The following WDHD1 variants were observed in gnomAD, a reference collection of about 807,000 sequenced individuals.
The protein encoded by WDHD1 is WD repeat and HMG-box DNA binding protein 1, also known as WD repeat and HMG-box DNA-binding protein 1.
A neutral mutation model predicts 135.4 loss-of-function variants in WDHD1; 111 were observed. The ratio of observed to expected loss-of-function variants is 0.82; its 90% CI spans 0.70 to 0.96. The LOEUF (loss-of-function observed/expected upper bound fraction) is 0.96. WDHD1 is among the 40% of genes least tolerant of loss of function. The probability of loss-of-function intolerance (pLI) is 0.00; values close to 1 mark genes in which losing one functional copy is unlikely to be tolerated. For missense variants in WDHD1, 1,351 were observed against 1,336.3 expected (o/e 1.01, Z -0.17); for synonymous variants, 434 against 439.0 (o/e 0.99, Z 0.14).
chr14:55,018,581 A>G (rs1470719213), intron 2 of WDHD1, among the ~76,000 whole-genome samples: 2 of 152,206 alleles, frequency 1.3e-5, no homozygotes, highest in Non-Finnish European at 2.9e-5. Context: ...TGAAGACCCT[A>G]TTATTGAAGA....
At chr14:54,964,378 C>T (rs2041306894) in intron 18 of WDHD1, among the ~76,000 whole-genome samples, 1 of 152,148 alleles carries the variant, frequency 6.6e-6, no homozygotes, top group African/African-American at 2.4e-5. Flanking sequence ...CAGTGGCTCA[C>T]ACCTGTAATC....
intron 5 of WDHD1, 49 bp from the exon 6 acceptor site, chr14:55,008,415 C>T (rs2042109335): frequency 6.4e-7 from 1 of 1,564,824 alleles, no homozygotes. Flanking sequence ...CATAATACTA[C>T]ATGGAAAGTG....
chr14:55,003,452 T>C (rs2042009305), intron 7 of WDHD1, among the ~76,000 whole-genome samples: 1 of 150,288 alleles, frequency 6.7e-6, no homozygotes, highest in Non-Finnish European at 1.5e-5. Context: ...GAGGCAGAGG[T>C]TGCAGTGAAT....
In WDHD1 at chr14:54,991,249, T is replaced by C. The variant is rs1276820140; in HGVS notation, c.1305A>G (p.Ser435=). 3 of 1,611,284 alleles carry C rather than the reference T, an allele frequency of 1.9e-6. No individual in the cohort carries two copies. In the African/African-American group the frequency reaches 4.0e-5, roughly 22 times the overall value. The part of the protein sequence containing the change: ...MPTPRQKPFQ[S]GSTPLHLTHR... ...GAGTGAGATGCAACGGTGTAGAACC[T>C]GACTGAAATGGCTTTTGCCGGGGAG... is the stretch of plus-strand genomic sequence containing the variant. The change falls in exon 12 of 26, where the codon TCA becomes TCG. Residue 435 remains serine, a synonymous_variant. Coordinates refer to ENST00000360586, the MANE Select transcript of WDHD1 (RefSeq NM_007086.4).
intron 11 of WDHD1, 123 bp from the exon 12 acceptor site, chr14:54,991,523 CTT>C: frequency 1.1e-6 from 1 of 936,048 alleles, no homozygotes; most frequent in Admixed American, 2.5e-5. Flanking sequence ...CTATTTGCCT[CTT>C]TCACTGTGTT....
At chr14:54,972,252 G>GCAATAAAGCA in intron 16 of WDHD1, among the ~76,000 whole-genome samples, 1 of 148,288 alleles carries the variant, frequency 6.7e-6, no homozygotes. Flanking sequence ...TCCAGCCTGG[G>GCAATAAAGCA]AGACAGAGTG....
At chr14:55,017,767 A>G (rs1304414319) in intron 2 of WDHD1, among the ~76,000 whole-genome samples, 1 of 152,224 alleles carries the variant, frequency 6.6e-6, no homozygotes, top group Non-Finnish European at 1.5e-5. Flanking sequence ...AAAAGAAGCC[A>G]TACTTGTCAA....
intron 18 of WDHD1, among the ~76,000 whole-genome samples, chr14:54,964,913 A>G (rs2041317022): frequency 6.6e-6 from 1 of 152,254 alleles, no homozygotes; most frequent in South Asian, 2.1e-4. Flanking sequence ...TAAAAAGGCT[A>G]CTAGTTCCTG....
intron 13 of WDHD1, among the ~76,000 whole-genome samples, chr14:54,988,250 G>T (rs1175518915): frequency 2.0e-5 from 3 of 151,032 alleles, no homozygotes; most frequent in Non-Finnish European, 2.9e-5. Context: ...TTCCTTTCTC[G>T]AAGAGAGATT....
chr14:54,986,589 T>C lies in WDHD1; in HGVS notation c.1768+557A>G, dbSNP rs188082348. ...AAGGGGATACACTCCAGCTAAAAGATAGAGCCAACAAAAAAGTAAAAAGGG... is the reference window on the plus strand; with the variant it reads ...AAGGGGATACACTCCAGCTAAAAGACAGAGCCAACAAAAAAGTAAAAAGGG... On this transcript the variant is annotated intron_variant, in intron 14 of 25. Transcript: ENST00000360586. Among the ~76,000 whole-genome samples the C allele has an allele frequency of 2.5e-3, 374 of 152,076 alleles. 2 individuals carry two copies. Among genetic ancestry groups the C allele is most frequent in the African/African-American group, 8.6e-3 (358 of 41,482 alleles).
chr14:54,969,082 A>G (rs2041389597), intron 16 of WDHD1, among the ~76,000 whole-genome samples: 1 of 152,064 alleles, frequency 6.6e-6, no homozygotes, highest in South Asian at 2.1e-4. Flanking sequence ...TTTGTTGCCC[A>G]GGCTGGAGTG....
intron 15 of WDHD1, among the ~76,000 whole-genome samples, chr14:54,982,431 T>C (rs1353204166): frequency 6.6e-6 from 1 of 152,222 alleles, no homozygotes; most frequent in Non-Finnish European, 1.5e-5. Flanking sequence ...AATTTATCTT[T>C]AGTACTCTTC....
intron 13 of WDHD1, among the ~76,000 whole-genome samples, chr14:54,988,424 G>C (rs987635401): frequency 6.6e-6 from 1 of 152,132 alleles, no homozygotes; most frequent in African/African-American, 2.4e-5. Flanking sequence ...TAACTGCAAA[G>C]GGATATAAGA....
Position 54,969,245 on chromosome 14 carries a change from C to A in WDHD1, c.2064-1851G>T, listed in dbSNP as rs531154790. Among the ~76,000 whole-genome samples, 474 of 151,346 alleles carry A rather than the reference C, an allele frequency of 3.1e-3. 7 individuals carry two copies. The highest frequency in any genetic ancestry group is 0.024 in the South Asian group (115 of 4,786). On this transcript the variant is annotated intron_variant, in intron 16 of 25. Coordinates refer to ENST00000360586, the MANE Select transcript of WDHD1 (RefSeq NM_007086.4). ...AGTAGAGACGGGGTTTCACCGTGGTCTCGATCTCCTGACCTTGTGATCCGC... is the reference window on the plus strand; with the variant it reads ...AGTAGAGACGGGGTTTCACCGTGGTATCGATCTCCTGACCTTGTGATCCGC...
In WDHD1 at chr14:54,989,237, A is replaced by G. The variant is rs767523454; in HGVS notation, c.1342-25T>C. On this transcript the variant is annotated intron_variant, in intron 12 of 25. Transcript: ENST00000360586. ...CCTACAAACAGGTAAGATTAAATAT[A>G]AGTCTGAGAAAAACTGAAGCTCCTA... The G allele has an allele frequency of 2.6e-6, 4 of 1,568,630 alleles. No individual in the cohort carries two copies. The South Asian group carries it at 4.8e-5, about 19-fold the overall frequency.
At chr14:55,020,713 T>A (rs1317916839) in intron 2 of WDHD1, among the ~76,000 whole-genome samples, 1 of 152,104 alleles carries the variant, frequency 6.6e-6, no homozygotes, top group African/African-American at 2.4e-5. Flanking sequence ...GCATTACAGG[T>A]TCCAACCCCT....
intron 24 of WDHD1, among the ~76,000 whole-genome samples, chr14:54,948,674 G>T (rs1393439686): frequency 6.6e-6 from 1 of 152,194 alleles, no homozygotes; most frequent in Non-Finnish European, 1.5e-5. Context: ...CACAGAGTTT[G>T]AGATCTGAGA....
chr14:54,980,877 G>A (rs573733262), intron 16 of WDHD1, among the ~76,000 whole-genome samples: 6 of 150,438 alleles, frequency 4.0e-5, no homozygotes, highest in South Asian at 2.1e-4. Context: ...TTGGGAGGCC[G>A]AGGCAGGCAG....
chr14:54,942,276 A>T (rs1204332864), intron 25 of WDHD1, among the ~76,000 whole-genome samples: 1 of 150,614 alleles, frequency 6.6e-6, no homozygotes, highest in Non-Finnish European at 1.5e-5. Flanking sequence ...ATAAATAAAT[A>T]AATAATAAAA....
Sources: allele counts gnomAD v4.1 joint callset (sites outside exome capture counted in the v4.1 genomes callset), GRCh38; gene constraint gnomAD v4.1.1; transcripts MANE v1.5; gene names NCBI Gene and HGNC (gene_info 2026-07-23, HGNC 2026-07-21).